Variants in STAM2 observed in about 807,000 individuals in gnomAD.
The protein encoded by STAM2 is signal transducing adaptor molecule 2.
STAM2 carries 51 observed loss-of-function variants against 65.6 expected under a neutral mutation model. The ratio of observed to expected loss-of-function variants is 0.78; its 90% CI spans 0.62 to 0.98. The LOEUF is 0.98. Among genes scored for constraint, STAM2 ranks in the 50% least tolerant of loss-of-function variants. STAM2 has a pLI of 0.00. For missense variants in STAM2, 584 were observed against 617.8 expected, an observed-to-expected ratio of 0.95 and a Z score of 0.58; for synonymous variants, 198 against 208.4, an observed-to-expected ratio of 0.95 and a Z score of 0.43.
rs914599781 is a variant in STAM2 at position 152,119,212 on chromosome 2, A to C, written c.*1362T>G. On this transcript the variant is annotated 3_prime_UTR_variant, in exon 14 of 14. Transcript: ENST00000263904. ...AATTTCTATTTTCCAATATGTAAAAAGTTGGTAGACAATGAAGTAGTGTGC... is the reference window on the plus strand; with the variant it reads ...AATTTCTATTTTCCAATATGTAAAACGTTGGTAGACAATGAAGTAGTGTGC... 34 of 152,234 alleles carry C rather than the reference A, an allele frequency of 2.2e-4. No homozygotes were observed. Among genetic ancestry groups the C allele is most frequent in the African/African-American group, 8.2e-4 (34 of 41,474 alleles). 9.4% of individuals were successfully genotyped at this position (152,234 alleles called of 1,614,324 possible).
chr2:152,161,183 G>C (rs1388509445), intron 1 of STAM2, among the ~76,000 whole-genome samples: 1 of 151,744 alleles, frequency 6.6e-6, no homozygotes, highest in African/African-American at 2.4e-5. Context: ...GGATCCTGTT[G>C]ATCTGTGACC....
At chr2:152,126,596 G>A (rs1688967399) in intron 11 of STAM2, among the ~76,000 whole-genome samples, 1 of 152,134 alleles carries the variant, frequency 6.6e-6, no homozygotes, top group Non-Finnish European at 1.5e-5. Context: ...GGGTCTGGAG[G>A]CAGGGAATCT....
At chr2:152,167,292 A>G (rs1408699565) in intron 1 of STAM2, among the ~76,000 whole-genome samples, 1 of 152,232 alleles carries the variant, frequency 6.6e-6, no homozygotes, top group South Asian at 2.1e-4. Flanking sequence ...ATGTTCCACA[A>G]GGTGCTATAG....
intron 11 of STAM2, among the ~76,000 whole-genome samples, chr2:152,131,272 G>C (rs1689056819): frequency 1.3e-5 from 2 of 152,180 alleles, no homozygotes; most frequent in East Asian, 1.9e-4. Context: ...GGCCAACATG[G>C]TGAAACCCTG....
intron 12 of STAM2, 126 bp from the exon 13 acceptor site, chr2:152,124,061 A>T: frequency 1.3e-6 from 1 of 764,672 alleles, no homozygotes; most frequent in Non-Finnish European, 2.0e-6. Context: ...TGATTCTACC[A>T]ATCTATCCAT....
intron 5 of STAM2, among the ~76,000 whole-genome samples, chr2:152,146,006 A>G (rs560149784): frequency 6.6e-6 from 1 of 152,294 alleles, no homozygotes; most frequent in East Asian, 1.9e-4. Flanking sequence ...GTGGTGGCTC[A>G]TGCCTGTAAT....
chr2:152,167,363 T>C (rs949962028), intron 1 of STAM2, among the ~76,000 whole-genome samples: 79 of 152,026 alleles, frequency 5.2e-4, no homozygotes, highest in Admixed American at 5.2e-4. Flanking sequence ...AAAATAACGC[T>C]AAAGGAAGTC....
At chr2:152,143,508 A>T (rs181146800) in intron 7 of STAM2, among the ~76,000 whole-genome samples, 2 of 152,216 alleles carry the variant, frequency 1.3e-5, no homozygotes, top group Non-Finnish European at 2.9e-5. Flanking sequence ...TTTTCTGCCA[A>T]TAATTTCAGT....
At chr2:152,141,357 G>A (rs1225356289) in intron 7 of STAM2, among the ~76,000 whole-genome samples, 2 of 151,318 alleles carry the variant, frequency 1.3e-5, no homozygotes, top group Admixed American at 6.6e-5. Flanking sequence ...CCAACATGGC[G>A]AAACCCTCTC....
intron 2 of STAM2, among the ~76,000 whole-genome samples, chr2:152,149,049 T>C (rs1264444124): frequency 6.6e-6 from 1 of 152,256 alleles, no homozygotes; most frequent in South Asian, 2.1e-4. Context: ...TTCTAACATA[T>C]AGTTCAGCTA....
chr2:152,166,644 AAG>A (rs1204232419), intron 1 of STAM2, among the ~76,000 whole-genome samples: 1 of 152,192 alleles, frequency 6.6e-6, no homozygotes, highest in Non-Finnish European at 1.5e-5. Context: ...CAGGTAACTT[AAG>A]AGAACCTAAT....
At chr2:152,128,904 C>G (rs542576339) in intron 11 of STAM2, among the ~76,000 whole-genome samples, 1 of 152,254 alleles carries the variant, frequency 6.6e-6, no homozygotes, top group Admixed American at 6.5e-5. Context: ...CAAACATGAT[C>G]CATTCAAGGG....
At chr2:152,143,667 A>G (rs1579320936) in intron 7 of STAM2, among the ~76,000 whole-genome samples, 160 bp downstream of exon 7, 1 of 152,256 alleles carries the variant, frequency 6.6e-6, no homozygotes, top group East Asian at 1.9e-4. Flanking sequence ...TATAACGAGA[A>G]GAGGCTCACA....
At chr2:152,132,025 C>A in intron 11 of STAM2, 89 bp downstream of exon 11, 2 of 891,206 alleles carry the variant, frequency 2.2e-6, no homozygotes, top group South Asian at 1.6e-5. Flanking sequence ...TTGTACAGTT[C>A]CACAAAAACT....
chr2:152,172,940 C>T (rs1360837527), intron 1 of STAM2, among the ~76,000 whole-genome samples: 1 of 151,522 alleles, frequency 6.6e-6, no homozygotes, highest in East Asian at 1.9e-4. Context: ...AGAGAAAGCT[C>T]CTATCTGAAG....
Position 152,175,600 on chromosome 2 carries a change from C to A in STAM2, c.40+3G>T. ...GCAGTCCAGGACCGGGCACAGCACT[C>A]ACCCACGTCTTGCTCGAAGGGGTTG... On this transcript the variant is annotated splice_donor_region_variant and intron_variant, in intron 1 of 13. Transcript: ENST00000263904. The A allele has an allele frequency of 6.2e-7, 1 of 1,613,946 alleles. No homozygotes were observed. Among genetic ancestry groups the A allele is most frequent in the Admixed American group, 1.7e-5 (1 of 59,998 alleles).
intron 8 of STAM2, 79 bp downstream of exon 8, chr2:152,135,430 C>CA: frequency 1.0e-6 from 1 of 1,004,636 alleles, no homozygotes. Context: ...TGCCAATCTA[C>CA]TTTACATCCA....
intron 1 of STAM2, 91 bp downstream of exon 1, chr2:152,175,512 T>A (rs1689999680): frequency 6.5e-7 from 1 of 1,529,714 alleles, no homozygotes; most frequent in Admixed American, 1.7e-5. Flanking sequence ...TGCTTCCTAG[T>A]CCCCGGAGTC....
chr2:152,118,360 A>G lies in STAM2; in HGVS notation c.*2214T>C, dbSNP rs1299385648. ...GACAGCCTGCAACACAAAATTACAT[A>G]TGGCAAAAAATAATTTTTAACTTGA... On this transcript the variant is annotated 3_prime_UTR_variant, in exon 14 of 14. Coordinates refer to ENST00000263904, the MANE Select transcript of STAM2 (RefSeq NM_005843.6). The G allele has an allele frequency of 1.3e-5, 2 of 151,544 alleles. No homozygotes were observed. Among genetic ancestry groups the G allele is most frequent in the Admixed American group, 6.6e-5 (1 of 15,192 alleles). The allele number at this position is 151,544 out of a possible 1,614,324, so 9.4% of individuals were successfully genotyped here. A position where few individuals can be genotyped will look rare whatever the true frequency, so the allele number is the denominator to read the frequency against.
Sources: allele counts gnomAD v4.1 joint callset (sites outside exome capture counted in the v4.1 genomes callset), GRCh38; gene constraint gnomAD v4.1.1; transcripts MANE v1.5; gene names NCBI Gene and HGNC (gene_info 2026-07-23, HGNC 2026-07-21).